SLC25A21: variants seen among roughly 807,000 people sequenced by gnomAD.
The protein encoded by SLC25A21 is solute carrier family 25 member 21.
SLC25A21 carries 47 observed loss-of-function variants against 43.8 expected under a neutral mutation model. The observed-to-expected ratio is 1.07, with a 90% confidence interval of 0.85 to 1.37. SLC25A21 has a LOEUF of 1.37. SLC25A21 is among the 40% of genes most tolerant of loss of function. SLC25A21 has a pLI of 0.00. For synonymous variants in SLC25A21, 131 were observed against 121.3 expected (o/e 1.08, Z -0.52); for missense variants, 352 against 350.2 (o/e 1.00, Z -0.04).
chr14:36,992,096 G>A (rs917295166), intron 1 of SLC25A21, among the ~76,000 whole-genome samples: 8 of 152,178 alleles, frequency 5.3e-5, no homozygotes, highest in Non-Finnish European at 1.5e-5. Context: ...GCTTCAGGCC[G>A]AGCACTTTGC....
intron 1 of SLC25A21, among the ~76,000 whole-genome samples, chr14:37,090,214 T>C (rs1177608913): frequency 1.3e-5 from 2 of 152,224 alleles, no homozygotes; most frequent in African/African-American, 4.8e-5. Flanking sequence ...CTATTAAAAT[T>C]GAAGACATAT....
At chr14:36,728,739 T>C (rs2139218264) in intron 5 of SLC25A21, among the ~76,000 whole-genome samples, 1 of 152,320 alleles carries the variant, frequency 6.6e-6, no homozygotes, top group East Asian at 1.9e-4. Context: ...ATTGGACAAA[T>C]GAGGGCATTT....
Position 36,680,357 on chromosome 14 carries a change from G to A in SLC25A21, c.*301C>T, listed in dbSNP as rs1882172094. 8.7e-6 allele frequency: 9 copies of A among 1,029,436 alleles called. 1 individual carries two copies. Among genetic ancestry groups the A allele is most frequent in the Non-Finnish European group, 2.3e-6 (2 of 858,836 alleles). The allele number at this position is 1,029,436 out of a possible 1,614,324, so 63.8% of individuals were successfully genotyped here. A position where few individuals can be genotyped will look rare whatever the true frequency, so the allele number is the denominator to read the frequency against. ...TTGTGAAGCATTGAAGAGGAACACAGGAGACAAAGTTTCTATTTATTTTAT... is the reference window on the plus strand; with the variant it reads ...TTGTGAAGCATTGAAGAGGAACACAAGAGACAAAGTTTCTATTTATTTTAT... On this transcript the variant is annotated 3_prime_UTR_variant, in exon 10 of 10. Transcript: ENST00000331299.
At chr14:36,918,684 C>T (rs1441064907) in intron 1 of SLC25A21, among the ~76,000 whole-genome samples, 2 of 152,040 alleles carry the variant, frequency 1.3e-5, no homozygotes, top group African/African-American at 4.8e-5. Context: ...AAACAAATTT[C>T]ATACTTTCTC....
intron 1 of SLC25A21, among the ~76,000 whole-genome samples, chr14:37,156,675 AAGAC>A (rs1963856476): frequency 6.6e-6 from 1 of 152,150 alleles, no homozygotes; most frequent in African/African-American, 2.4e-5. Context: ...GAGTAAAAGA[AAGAC>A]AAAGATGGTC....
At position 37,032,114 on chromosome 14, in the gene SLC25A21, A is replaced by G. The variant is rs183444773; in HGVS notation, c.70+140167T>C. 7.7e-3 allele frequency among the ~76,000 whole-genome samples: 1,046 copies of G among 136,586 alleles called. 43 individuals carry two copies. Among genetic ancestry groups the G allele is most frequent in the Admixed American group, 0.065 (920 of 14,124 alleles). The allele number at this position is 136,586 out of a possible 152,430, so 89.6% of individuals were successfully genotyped here. On this transcript the variant is annotated intron_variant, in intron 1 of 9. Transcript: ENST00000331299. The stretch of plus-strand genomic sequence containing the variant: ...TCATTTTTCCCATATAGCTATCTAC[A>G]TGTTATATTTGAAGAAATTAAAGTA...
intron 1 of SLC25A21, among the ~76,000 whole-genome samples, chr14:37,090,553 T>C (rs1177445959): frequency 6.6e-6 from 1 of 152,240 alleles, no homozygotes; most frequent in African/African-American, 2.4e-5. Context: ...TACTTAGCTT[T>C]CAATATTTCA....
chr14:36,709,835 A>G (rs1038899590), intron 7 of SLC25A21, among the ~76,000 whole-genome samples: 3 of 152,190 alleles, frequency 2.0e-5, no homozygotes, highest in Non-Finnish European at 4.4e-5. Context: ...AAGCCCTTCA[A>G]TACTTTTCTA....
chr14:36,836,881 G>A (rs1889227699), intron 2 of SLC25A21, among the ~76,000 whole-genome samples: 1 of 152,100 alleles, frequency 6.6e-6, no homozygotes, highest in Non-Finnish European at 1.5e-5. Flanking sequence ...GAGAAAATCA[G>A]ATCAGAGGAA....
intron 1 of SLC25A21, among the ~76,000 whole-genome samples, chr14:37,050,738 A>G (rs1367193716): frequency 6.6e-6 from 1 of 152,226 alleles, no homozygotes; most frequent in Non-Finnish European, 1.5e-5. Flanking sequence ...AAACTTTGAA[A>G]TAATAACCAA....
intron 1 of SLC25A21, among the ~76,000 whole-genome samples, chr14:37,016,519 G>A (rs952366925): frequency 3.3e-5 from 5 of 151,952 alleles, no homozygotes; most frequent in African/African-American, 9.7e-5. Flanking sequence ...TTGACTTGGC[G>A]ATGCGGGCTC....
chr14:36,746,376 T>C (rs1885497132), intron 3 of SLC25A21, among the ~76,000 whole-genome samples: 1 of 152,146 alleles, frequency 6.6e-6, no homozygotes, highest in South Asian at 2.1e-4. Flanking sequence ...TGTTCTCCTT[T>C]ATAAGTGGAA....
chr14:36,758,590 CA>C (rs11314165), intron 3 of SLC25A21, among the ~76,000 whole-genome samples: 47,088 of 127,516 alleles, frequency 0.37, 7,712 homozygotes, highest in Non-Finnish European at 0.42. Flanking sequence ...TCAGCCAGGT[CA>C]AAAAAAAAAA....
chr14:36,990,389 C>T (rs1174000135), intron 1 of SLC25A21, among the ~76,000 whole-genome samples: 5 of 152,030 alleles, frequency 3.3e-5, no homozygotes, highest in African/African-American at 1.2e-4. Context: ...GAAAGAAAAA[C>T]TAATTAAGGT....
chr14:36,898,730 G>A (rs1891320156), intron 1 of SLC25A21, among the ~76,000 whole-genome samples: 1 of 152,148 alleles, frequency 6.6e-6, no homozygotes, highest in Non-Finnish European at 1.5e-5. Context: ...TCATGGAAGT[G>A]GAGAGTACAA....
chr14:36,999,392 T>C (rs1167421487), intron 1 of SLC25A21, among the ~76,000 whole-genome samples: 1 of 152,146 alleles, frequency 6.6e-6, no homozygotes, highest in Non-Finnish European at 1.5e-5. Context: ...GAGGGATTAA[T>C]TGGCAGAAAA....
At chr14:36,906,740 A>G (rs1179200120) in intron 1 of SLC25A21, among the ~76,000 whole-genome samples, 1 of 152,002 alleles carries the variant, frequency 6.6e-6, no homozygotes, top group Non-Finnish European at 1.5e-5. Context: ...TCCTGACCTC[A>G]TGATCCACCC....
intron 1 of SLC25A21, among the ~76,000 whole-genome samples, chr14:37,167,009 GA>G (rs1266776577): frequency 2.6e-5 from 4 of 151,824 alleles, no homozygotes; most frequent in Admixed American, 6.6e-5. Flanking sequence ...CTTCAAAAAA[GA>G]AAAAAAGTAA....
intron 1 of SLC25A21, among the ~76,000 whole-genome samples, chr14:36,981,666 C>T (rs1314619320): frequency 6.6e-6 from 1 of 151,910 alleles, no homozygotes; most frequent in African/African-American, 2.4e-5. Context: ...GGGTGGGGAA[C>T]ATCACACACT....
Sources: gnomAD v4.1 joint callset for allele counts (sites outside exome capture counted in the v4.1 genomes callset) on GRCh38, gnomAD v4.1.1 for gene constraint, MANE v1.5 for transcripts, NCBI Gene and HGNC (gene_info 2026-07-23, HGNC 2026-07-21) for gene names.